Variants in RADIL observed in about 807,000 individuals in gnomAD.
RADIL encodes ras-associating and dilute domain-containing protein.
In RADIL, 99 loss-of-function variants were observed where a neutral mutation model predicts 97.6. That is an observed-to-expected ratio of 1.01 (90% CI 0.86 to 1.20). RADIL has a LOEUF of 1.20. RADIL is among the 50% of genes most tolerant of loss of function. The pLI, the probability that RADIL is intolerant of heterozygous loss-of-function variation, is 0.00. For synonymous variants in RADIL, 803 were observed against 691.8 expected, an observed-to-expected ratio of 1.16 and a Z score of -2.52; for missense variants, 1,765 against 1,498.9, an observed-to-expected ratio of 1.18 and a Z score of -2.93.
At chr7:4,826,399 A>C (rs1782977476) in intron 5 of RADIL, among the ~76,000 whole-genome samples, 1 of 152,126 alleles carries the variant, frequency 6.6e-6, no homozygotes, top group South Asian at 2.1e-4. Flanking sequence ...TTTCAGAATT[A>C]CTTTGAAACT....
Position 4,815,178 on chromosome 7 carries a change from A to T in RADIL, c.2139+100T>A. On this transcript the variant is annotated intron_variant, in intron 9 of 14. Transcript: ENST00000399583. This position sits in a 1 kb window ranked among gnomAD's most constrained non-coding sequence, Gnocchi z 8.0. ...GGTAGCTTTGAGGTTTCCAGCCAAG[A>T]AGCCCCGTCCCGGCCCCCAGGCTTG... 7.3e-7 allele frequency: 1 copy of T among 1,370,114 alleles called. No homozygotes were observed. Among genetic ancestry groups the T allele is most frequent in the Non-Finnish European group, 9.6e-7 (1 of 1,038,712 alleles). 84.9% of individuals were successfully genotyped at this position (1,370,114 alleles called of 1,614,324 possible). A position where few individuals can be genotyped will look rare whatever the true frequency, so the allele number is the denominator to read the frequency against.
intron 2 of RADIL, among the ~76,000 whole-genome samples, chr7:4,874,921 G>A (rs920015099): frequency 3.9e-5 from 6 of 152,106 alleles, no homozygotes; most frequent in Non-Finnish European, 7.4e-5. Flanking sequence ...GGCCGGGCGC[G>A]GTGGCTCACG....
intron 5 of RADIL, among the ~76,000 whole-genome samples, chr7:4,826,775 T>C (rs1583286258): frequency 6.9e-6 from 1 of 144,402 alleles, no homozygotes; most frequent in Non-Finnish European, 1.5e-5. Context: ...GATAGGAAAG[T>C]ATAAAAATCA....
At position 4,809,173 on chromosome 7, in the gene RADIL, C is replaced by T. The variant is rs527787623; in HGVS notation, c.2140-3457G>A. 236 of 985,234 alleles carry T rather than the reference C, an allele frequency of 2.4e-4. 1 individual carries two copies. In the African/African-American group the frequency reaches 3.9e-3, roughly 16 times the overall value. The allele number at this position is 985,234 out of a possible 1,614,324, so 61.0% of individuals were successfully genotyped here. A position where few individuals can be genotyped will look rare whatever the true frequency, so the allele number is the denominator to read the frequency against. ...CCGGCCGCTTCTGGAAGACCCCTGG[C>T]GCTGTCCCCCGCCTCCCCGGGCTGT... On this transcript the variant is annotated intron_variant, in intron 9 of 14. Coordinates refer to ENST00000399583, the MANE Select transcript of RADIL (RefSeq NM_018059.5).
At chr7:4,836,331 C>A in intron 3 of RADIL, 27 bp downstream of exon 3, 2 of 1,561,534 alleles carry the variant, frequency 1.3e-6, no homozygotes, top group Admixed American at 1.9e-5. Context: ...TGGCACCGGG[C>A]AGTGGGTGTC....
chr7:4,848,493 C>T (rs901165943), intron 2 of RADIL, among the ~76,000 whole-genome samples: 40 of 151,650 alleles, frequency 2.6e-4, no homozygotes, highest in African/African-American at 9.5e-4. Context: ...GGGAAGACAA[C>T]AGAGTGTTAA....
In RADIL at chr7:4,817,345, T is replaced by TTCGAGCCTG; in HGVS notation, c.1616-3_1621dup (p.Thr538_Ser540dup). On this transcript the variant is annotated inframe_insertion, in exon 7 of 15. Coordinates refer to ENST00000399583, the MANE Select transcript of RADIL (RefSeq NM_018059.5). This position sits in a 1 kb window ranked among gnomAD's most constrained non-coding sequence, Gnocchi z 8.3. Reference sequence around the variant, plus strand: ...CAGCGTGCAGGAGAACAGCGATTCCTTCGAGCCTGCCGGGAGACAGCCACG... The same window carrying TTCGAGCCTG: ...CAGCGTGCAGGAGAACAGCGATTCCTTCGAGCCTGTCGAGCCTGCCGGGAGACAGCCACG... 2 of 1,611,232 alleles carry TTCGAGCCTG rather than the reference T, an allele frequency of 1.2e-6. No individual in the cohort carries two copies. Among genetic ancestry groups the TTCGAGCCTG allele is most frequent in the Non-Finnish European group, 1.7e-6 (2 of 1,179,242 alleles).
rs1196050379 is a variant in RADIL, at chr7:4,854,911, G to T, written c.536-18306C>A. On this transcript the variant is annotated intron_variant, in intron 2 of 14. Transcript: ENST00000399583. The surrounding 1 kb of genome is among the most constrained non-coding windows in gnomAD (Gnocchi z 5.1). Reference sequence around the variant, plus strand: ...TCCCCACCTCTCACCCCACCAAAGGGAATCACTTTCCTGGATTCCGTGTTT... The same window carrying T: ...TCCCCACCTCTCACCCCACCAAAGGTAATCACTTTCCTGGATTCCGTGTTT... Among the ~76,000 whole-genome samples the T allele has an allele frequency of 1.3e-5, 2 of 152,100 alleles. No individual in the cohort carries two copies. Among genetic ancestry groups the T allele is most frequent in the Non-Finnish European group, 1.5e-5 (1 of 68,028 alleles).
In RADIL at chr7:4,801,928, G is replaced by A. The variant is rs780028227; in HGVS notation, c.2567C>T (p.Pro856Leu). 112 of 1,567,708 alleles carry A rather than the reference G, an allele frequency of 7.1e-5. No individual in the cohort carries two copies. The highest frequency in any genetic ancestry group is 9.3e-5 in the Non-Finnish European group (108 of 1,158,756). Reference sequence around the variant, plus strand: ...GGCCACTTCCCGGGCTGCTGGGCCAGGGTCCCTGGGAGCCAGGGGGCAGCT... The same window carrying A: ...GGCCACTTCCCGGGCTGCTGGGCCAAGGTCCCTGGGAGCCAGGGGGCAGCT... ...APSCPLAPRD[P>L]GPAAREVAPE... Residue 856 changes from proline (P) to leucine (L), a missense_variant, in exon 12 of 15, where the codon CCT (proline) becomes CTT (leucine). Transcript: ENST00000399583.
Position 4,815,971 on chromosome 7 carries a change from C to T in RADIL, c.1966+257G>A, listed in dbSNP as rs749644811. ...CCCTGAGCCCGTTCCCTCCCTGTCACGGGGAAGGGGTCCCATGCAGACCTC... is the reference window on the plus strand; with the variant it reads ...CCCTGAGCCCGTTCCCTCCCTGTCATGGGGAAGGGGTCCCATGCAGACCTC... On this transcript the variant is annotated intron_variant, in intron 8 of 14. Coordinates refer to ENST00000399583, the MANE Select transcript of RADIL (RefSeq NM_018059.5). This position sits in a 1 kb window ranked among gnomAD's most constrained non-coding sequence, Gnocchi z 8.0. Among the ~76,000 whole-genome samples the T allele has an allele frequency of 1.3e-5, 2 of 152,162 alleles. No individual in the cohort carries two copies. The highest frequency in any genetic ancestry group is 4.8e-5 in the African/African-American group (2 of 41,454).
rs1186887042 is a variant in RADIL, at chr7:4,880,468, A to G, written c.-64-2265T>C. ...TCTCCTGTGGTCAGTTTTCAAAGTG[A>G]GTACTTGGAATCACAGAACAAAACC... On this transcript the variant is annotated intron_variant, in intron 1 of 14. Transcript: ENST00000399583. The surrounding 1 kb of genome is among the most constrained non-coding windows in gnomAD (Gnocchi z 4.5). Among the ~76,000 whole-genome samples, 1 of 152,100 alleles carries G rather than the reference A, an allele frequency of 6.6e-6. No homozygotes were observed. The highest frequency in any genetic ancestry group is 1.5e-5 in the Non-Finnish European group (1 of 68,012).
rs1365293684 is a variant in RADIL at position 4,878,659 on chromosome 7, G to A, written c.-64-456C>T. 2.0e-5 allele frequency among the ~76,000 whole-genome samples: 3 copies of A among 152,228 alleles called. No homozygotes were observed. Among genetic ancestry groups the A allele is most frequent in the Non-Finnish European group, 4.4e-5 (3 of 68,040 alleles). ...CCACCAGAGACCGAGAGGACTAAACGGGCTGGAGCGCCCTTCAAGGAAAGC... is the reference window on the plus strand; with the variant it reads ...CCACCAGAGACCGAGAGGACTAAACAGGCTGGAGCGCCCTTCAAGGAAAGC... On this transcript the variant is annotated intron_variant, in intron 1 of 14. Coordinates refer to ENST00000399583, the MANE Select transcript of RADIL (RefSeq NM_018059.5). This position sits in a 1 kb window ranked among gnomAD's most constrained non-coding sequence, Gnocchi z 4.1.
chr7:4,806,934 T>C (rs1782328371), intron 9 of RADIL, among the ~76,000 whole-genome samples: 1 of 152,168 alleles, frequency 6.6e-6, no homozygotes, highest in Non-Finnish European at 1.5e-5. Context: ...GCCTGTGGGT[T>C]CTCTGCACCC....
intron 9 of RADIL, among the ~76,000 whole-genome samples, chr7:4,811,794 T>C (rs1356328748): frequency 6.6e-6 from 1 of 152,084 alleles, no homozygotes; most frequent in Non-Finnish European, 1.5e-5. Flanking sequence ...GCCTAATTCT[T>C]CTTTAATGTT....
chr7:4,861,674 GT>G, intron 2 of RADIL: 1 of 1,598,988 alleles, frequency 6.3e-7, no homozygotes. Context: ...GGGCCTGAGG[GT>G]TTCTATTAGC....
chr7:4,806,990 C>G (rs1213703880), intron 9 of RADIL, among the ~76,000 whole-genome samples: 1 of 152,178 alleles, frequency 6.6e-6, no homozygotes, highest in Non-Finnish European at 1.5e-5. Flanking sequence ...TAAGCCCACT[C>G]TTGGCAGCAG....
intron 11 of RADIL, 72 bp from the exon 12 acceptor site, chr7:4,802,067 G>T (rs2115154520): frequency 7.6e-7 from 1 of 1,308,024 alleles, no homozygotes; most frequent in Non-Finnish European, 1.0e-6. Flanking sequence ...CAACTGGGCA[G>T]CCTGCAGCAG....
At position 4,836,287 on chromosome 7, in the gene RADIL, C is replaced by G. The variant is rs1437645833; in HGVS notation, c.783+71G>C. The G allele has an allele frequency of 1.9e-6, 3 of 1,545,346 alleles. No homozygotes were observed. The African/African-American group carries it at 4.1e-5, about 21-fold the overall frequency. ...GACTGGGCTAAAGGCAGGCGGAGGC[C>G]TTGACTTCTGAGTCCCGCCTGCTGT... On this transcript the variant is annotated intron_variant, in intron 3 of 14. Coordinates refer to ENST00000399583, the MANE Select transcript of RADIL (RefSeq NM_018059.5).
chr7:4,835,090 G>A lies in RADIL; in HGVS notation c.933C>T (p.Ala311=), dbSNP rs370050942. ...RRQPLPDSGQ[A]AGRLVLEPIP... ...TGGGCTCCAGGACCAGCCTCCCCGC[G>A]GCCTGGCCGCTGTCCGGGAGCGGTT... Residue 311 remains alanine, a synonymous_variant, in exon 4 of 15, where the codon GCC becomes GCT. Transcript: ENST00000399583. The surrounding 1 kb of genome is among the most constrained non-coding windows in gnomAD (Gnocchi z 5.8). 19 of 1,607,972 alleles carry A rather than the reference G, an allele frequency of 1.2e-5. No individual in the cohort carries two copies. The highest frequency in any genetic ancestry group is 1.5e-5 in the Non-Finnish European group (18 of 1,177,708).
Sources: allele counts gnomAD v4.1 joint callset (sites outside exome capture counted in the v4.1 genomes callset), GRCh38; gene constraint gnomAD v4.1.1; non-coding constraint Gnocchi (gnomAD v3.1); transcripts MANE v1.5; gene names NCBI Gene and HGNC (gene_info 2026-07-23, HGNC 2026-07-21).